The following RABL3 variants were observed in gnomAD, a reference collection of about 807,000 sequenced individuals.
The protein encoded by RABL3 is RAB, member of RAS oncogene family like 3, also known as rab-like protein 3.
RABL3 carries 31 observed loss-of-function variants against 31.8 expected under a neutral mutation model. That is an observed-to-expected ratio of 0.97 (90% CI 0.73 to 1.31). The LOEUF (loss-of-function observed/expected upper bound fraction) is 1.31. Among genes scored for constraint, RABL3 ranks in the 40% most tolerant of loss-of-function variants. The pLI, the probability that RABL3 is intolerant of heterozygous loss-of-function variation, is 0.00. For missense variants in RABL3, 263 were observed against 279.6 expected, an observed-to-expected ratio of 0.94 and a Z score of 0.42; for synonymous variants, 97 against 99.9, an observed-to-expected ratio of 0.97 and a Z score of 0.18.
chr3:120,725,625 T>G (rs1708809155), intron 2 of RABL3, among the ~76,000 whole-genome samples: 1 of 152,134 alleles, frequency 6.6e-6, no homozygotes, highest in Non-Finnish European at 1.5e-5. Context: ...CCACAAAAAA[T>G]GATGAGTTCA....
In RABL3 at chr3:120,687,621, C is replaced by T. The variant is rs964016925; in HGVS notation, c.*2202G>A. 6.6e-6 allele frequency: 1 copy of T among 152,022 alleles called. No individual in the cohort carries two copies. Among genetic ancestry groups the T allele is most frequent in the South Asian group, 2.1e-4 (1 of 4,828 alleles). 9.4% of individuals were successfully genotyped at this position (152,022 alleles called of 1,614,324 possible). ...CTTATTATGCTGCTGCTAATAATTG[C>T]AACAAATTTACCTTAGATTATTAAA... On this transcript the variant is annotated 3_prime_UTR_variant, in exon 8 of 8. Coordinates refer to ENST00000273375, the MANE Select transcript of RABL3 (RefSeq NM_173825.5).
intron 2 of RABL3, among the ~76,000 whole-genome samples, chr3:120,723,529 C>T (rs58032847): frequency 0.017 from 2,655 of 152,290 alleles, 84 homozygotes; most frequent in African/African-American, 0.061. Flanking sequence ...CCCTGAGGAA[C>T]AGCAATGCAA....
intron 2 of RABL3, among the ~76,000 whole-genome samples, chr3:120,724,164 AAGAG>A (rs1708786397): frequency 6.6e-6 from 1 of 152,032 alleles, no homozygotes; most frequent in South Asian, 2.1e-4. Context: ...AACAGACAAA[AAGAG>A]AGCCAAATCA....
intron 7 of RABL3, 42 bp downstream of exon 7, chr3:120,690,407 C>G: frequency 7.0e-7 from 1 of 1,434,522 alleles, no homozygotes; most frequent in Non-Finnish European, 9.8e-7. Flanking sequence ...AATCACCTAT[C>G]AAAATTTAAG....
chr3:120,738,770 T>C (rs551347874), intron 1 of RABL3: 1 of 152,336 alleles, frequency 6.6e-6, no homozygotes, highest in Non-Finnish European at 1.5e-5. Flanking sequence ...CTTCAGAAAG[T>C]AGGCATAAAA....
At chr3:120,711,398 C>T (rs1376853498) in intron 2 of RABL3, among the ~76,000 whole-genome samples, 2 of 152,134 alleles carry the variant, frequency 1.3e-5, no homozygotes, top group Admixed American at 6.5e-5. Context: ...CCTATCTCCA[C>T]TATTACCACC....
intron 1 of RABL3, among the ~76,000 whole-genome samples, chr3:120,736,882 G>C (rs923035183): frequency 3.4e-4 from 51 of 152,162 alleles, no homozygotes; most frequent in African/African-American, 1.2e-3. Flanking sequence ...CTGGTTTGTA[G>C]AGTTTCTGCT....
chr3:120,729,245 G>A (rs1708855907), intron 2 of RABL3, among the ~76,000 whole-genome samples: 1 of 152,130 alleles, frequency 6.6e-6, no homozygotes, highest in Non-Finnish European at 1.5e-5. Flanking sequence ...TCAGATGCTG[G>A]AGGAATTTAC....
intron 1 of RABL3, among the ~76,000 whole-genome samples, chr3:120,739,207 T>C (rs1416370873): frequency 6.6e-6 from 1 of 152,146 alleles, no homozygotes; most frequent in Non-Finnish European, 1.5e-5. Context: ...TGAAACCCTG[T>C]CTCTACTAAA....
intron 4 of RABL3, among the ~76,000 whole-genome samples, chr3:120,702,865 A>C (rs1464477858): frequency 6.6e-6 from 1 of 152,128 alleles, no homozygotes; most frequent in Non-Finnish European, 1.5e-5. Context: ...CCCAGAAGGG[A>C]AATTTTTCTG....
intron 2 of RABL3, among the ~76,000 whole-genome samples, chr3:120,720,548 C>G (rs1485050810): frequency 6.6e-6 from 1 of 152,134 alleles, no homozygotes; most frequent in Non-Finnish European, 1.5e-5. Flanking sequence ...GCACAAGCCT[C>G]AGTAGTCGAT....
intron 1 of RABL3, among the ~76,000 whole-genome samples, chr3:120,737,333 G>A (rs1356076139): frequency 6.6e-6 from 1 of 152,152 alleles, no homozygotes; most frequent in East Asian, 1.9e-4. Context: ...TGAAGCTTGT[G>A]CATCATCACG....
rs1708340391 is a variant in RABL3 at position 120,688,470 on chromosome 3, CTTATT to C, written c.*1348_*1352del. On this transcript the variant is annotated 3_prime_UTR_variant, in exon 8 of 8. Transcript: ENST00000273375. Reference sequence around the variant, plus strand: ...CTTTCTAAAAGGACTCTCTAACATTCTTATTTTAATATCCTCTTGCAGCATACCTT... The same window carrying C: ...CTTTCTAAAAGGACTCTCTAACATTCTTAATATCCTCTTGCAGCATACCTT... 1 of 152,360 alleles carries C rather than the reference CTTATT, an allele frequency of 6.6e-6. No individual in the cohort carries two copies. Among genetic ancestry groups the C allele is most frequent in the African/African-American group, 2.4e-5 (1 of 41,456 alleles). The allele number at this position is 152,360 out of a possible 1,614,324, so 9.4% of individuals were successfully genotyped here.
chr3:120,725,998 T>G (rs1260944046), intron 2 of RABL3, among the ~76,000 whole-genome samples: 1 of 152,138 alleles, frequency 6.6e-6, no homozygotes, highest in Non-Finnish European at 1.5e-5. Flanking sequence ...AACATTTTTT[T>G]ATGGAGGCGG....
Position 120,688,366 on chromosome 3 carries a change from A to G in RABL3, c.*1457T>C, listed in dbSNP as rs1231184896. 6.6e-6 allele frequency: 1 copy of G among 152,618 alleles called. No individual in the cohort carries two copies. The highest frequency in any genetic ancestry group is 1.5e-5 in the Non-Finnish European group (1 of 68,042). The allele number at this position is 152,618 out of a possible 1,614,324, so 9.5% of individuals were successfully genotyped here. ...AAACCAGGGCTATGTCCTTTCAAAG[A>G]GGAAGTAAAGAAAGGCTGGAGAACA... is the stretch of plus-strand genomic sequence containing the variant. On this transcript the variant is annotated 3_prime_UTR_variant, in exon 8 of 8. Coordinates refer to ENST00000273375, the MANE Select transcript of RABL3 (RefSeq NM_173825.5).
chr3:120,718,861 C>G (rs1311010947), intron 2 of RABL3, among the ~76,000 whole-genome samples: 1 of 152,138 alleles, frequency 6.6e-6, no homozygotes, highest in Non-Finnish European at 1.5e-5. Flanking sequence ...AATGTATTAC[C>G]AGATATAGGG....
intron 5 of RABL3, among the ~76,000 whole-genome samples, chr3:120,694,447 C>A (rs962672928): frequency 6.6e-6 from 1 of 151,962 alleles, no homozygotes; most frequent in Admixed American, 6.6e-5. Context: ...TTAGAGTATA[C>A]CAAATCAGTG....
chr3:120,696,869 T>C (rs1389277005), intron 5 of RABL3, among the ~76,000 whole-genome samples: 1 of 152,164 alleles, frequency 6.6e-6, no homozygotes, highest in Non-Finnish European at 1.5e-5. Flanking sequence ...TATTCCATTG[T>C]GGCAGCTGAG....
intron 1 of RABL3, 104 bp downstream of exon 1, chr3:120,742,358 G>T: frequency 9.1e-7 from 1 of 1,096,028 alleles, no homozygotes; most frequent in Non-Finnish European, 1.4e-6. Context: ...AGGGACTTCA[G>T]CCACGGGCCG....
Sources: allele counts gnomAD v4.1 joint callset (sites outside exome capture counted in the v4.1 genomes callset), GRCh38; gene constraint gnomAD v4.1.1; transcripts MANE v1.5; gene names NCBI Gene and HGNC (gene_info 2026-07-23, HGNC 2026-07-21).